ARHGAP24: variants seen among roughly 807,000 people sequenced by gnomAD.
The protein encoded by ARHGAP24 is rho GTPase-activating protein 24.
Under a neutral mutation model 76.4 loss-of-function variants are expected in ARHGAP24, and 50 were observed. The ratio of observed to expected loss-of-function variants is 0.65; its 90% CI spans 0.52 to 0.83. The LOEUF is 0.83. Among genes scored for constraint, ARHGAP24 ranks in the 40% least tolerant of loss-of-function variants. The pLI is 0.00. For synonymous variants in ARHGAP24, 345 were observed against 323.3 expected (o/e 1.07, Z -0.72); for missense variants, 930 against 914.2 (o/e 1.02, Z -0.22).
intron 2 of ARHGAP24, among the ~76,000 whole-genome samples, chr4:85,709,843 C>T (rs1299308621): frequency 6.6e-6 from 1 of 152,020 alleles, no homozygotes; most frequent in Non-Finnish European, 1.5e-5. Context: ...GAACTACAAA[C>T]CACTGCTCAA....
intron 1 of ARHGAP24, among the ~76,000 whole-genome samples, chr4:85,486,208 G>C (rs72970778): frequency 0.014 from 2,179 of 152,172 alleles, 55 homozygotes; most frequent in African/African-American, 0.049. Context: ...CATTGGGCTA[G>C]TTTTCATCAG....
At chr4:85,973,048 CTA>C (rs879825030) in intron 6 of ARHGAP24, among the ~76,000 whole-genome samples, 112 of 152,082 alleles carry the variant, frequency 7.4e-4, no homozygotes, top group African/African-American at 9.9e-4. Context: ...TTGCATGGAT[CTA>C]TGTTTCTATT....
intron 3 of ARHGAP24, among the ~76,000 whole-genome samples, chr4:85,911,307 G>A (rs923454992): frequency 6.6e-6 from 1 of 152,180 alleles, no homozygotes; most frequent in African/African-American, 2.4e-5. Flanking sequence ...TGCAGCTCTG[G>A]CAGTGCCTCC....
intron 2 of ARHGAP24, among the ~76,000 whole-genome samples, chr4:85,611,886 A>G (rs1354429723): frequency 6.6e-6 from 1 of 152,130 alleles, no homozygotes; most frequent in Non-Finnish European, 1.5e-5. Flanking sequence ...CTTCATTCAG[A>G]TATTTAATTA....
intron 9 of ARHGAP24, among the ~76,000 whole-genome samples, chr4:85,997,579 A>C (rs1740753916): frequency 6.6e-6 from 1 of 152,148 alleles, no homozygotes; most frequent in Non-Finnish European, 1.5e-5. Flanking sequence ...TCAGTGAGAT[A>C]TATGGTTTTT....
intron 2 of ARHGAP24, among the ~76,000 whole-genome samples, chr4:85,701,851 A>G (rs1724100729): frequency 6.6e-6 from 1 of 152,074 alleles, no homozygotes; most frequent in African/African-American, 2.4e-5. Flanking sequence ...TAATGGAAAC[A>G]TATGGTAAAT....
At chr4:85,936,526 A>G (rs1736642667) in intron 4 of ARHGAP24, among the ~76,000 whole-genome samples, 1 of 152,010 alleles carries the variant, frequency 6.6e-6, no homozygotes, top group South Asian at 2.1e-4. Context: ...AGCTCATAGG[A>G]TAGATATATA....
chr4:85,636,901 C>A (rs1721328621), intron 2 of ARHGAP24, among the ~76,000 whole-genome samples: 1 of 152,026 alleles, frequency 6.6e-6, no homozygotes, highest in Non-Finnish European at 1.5e-5. Context: ...GTCTTACCCT[C>A]AGTGCTTTGC....
At chr4:85,729,959 C>T (rs1443953676) in intron 3 of ARHGAP24, among the ~76,000 whole-genome samples, 1 of 152,104 alleles carries the variant, frequency 6.6e-6, no homozygotes, top group Non-Finnish European at 1.5e-5. Flanking sequence ...AATCACTAAT[C>T]CCCACTGGTG....
chr4:85,604,559 T>TA (rs1254909380), intron 2 of ARHGAP24, among the ~76,000 whole-genome samples: 1 of 152,198 alleles, frequency 6.6e-6, no homozygotes, highest in African/African-American at 2.4e-5. Flanking sequence ...TATTTGTAGT[T>TA]AAAAAGATAG....
chr4:85,642,012 G>A (rs972849210), intron 2 of ARHGAP24, among the ~76,000 whole-genome samples: 1 of 152,156 alleles, frequency 6.6e-6, no homozygotes, highest in African/African-American at 2.4e-5. Context: ...TCCATTCAAT[G>A]TCTTCTTGAT....
chr4:85,498,585 A>G (rs1244552455), intron 1 of ARHGAP24, among the ~76,000 whole-genome samples: 2 of 152,034 alleles, frequency 1.3e-5, no homozygotes, highest in Non-Finnish European at 1.5e-5. Flanking sequence ...GGCCACAAGG[A>G]AGTGAGGAGA....
intron 2 of ARHGAP24, among the ~76,000 whole-genome samples, chr4:85,690,471 T>C (rs567645347): frequency 1.8e-4 from 27 of 152,182 alleles, no homozygotes; most frequent in Non-Finnish European, 3.2e-4. Context: ...ATATTTTTTA[T>C]TACTGATTCA....
In ARHGAP24 at chr4:85,686,427, T is replaced by C. The variant is rs1723424848; in HGVS notation, c.181-35458T>C. Among the ~76,000 whole-genome samples the C allele has an allele frequency of 3.3e-5, 5 of 152,184 alleles. No homozygotes were observed. In the South Asian group the frequency reaches 1.0e-3, roughly 32 times the overall value. ...TACAAAACCGTCTCAAGAACTTTATTTGTATTCTTTCCAGGATAAATCATG... is the reference window on the plus strand; with the variant it reads ...TACAAAACCGTCTCAAGAACTTTATCTGTATTCTTTCCAGGATAAATCATG... On this transcript the variant is annotated intron_variant, in intron 2 of 9. Transcript: ENST00000395184.
chr4:85,770,403 ATTG>A (rs1480447567), intron 3 of ARHGAP24, among the ~76,000 whole-genome samples: 1 of 152,154 alleles, frequency 6.6e-6, no homozygotes, highest in African/African-American at 2.4e-5. Context: ...TAGTCCTCCT[ATTG>A]TTCACAAAAT....
At chr4:85,763,500 G>A (rs1415290277) in intron 3 of ARHGAP24, among the ~76,000 whole-genome samples, 2 of 152,114 alleles carry the variant, frequency 1.3e-5, no homozygotes, top group Non-Finnish European at 2.9e-5. Flanking sequence ...GGGTAGATGA[G>A]GACGAGGCCT....
chr4:85,711,128 T>C (rs1474934243), intron 2 of ARHGAP24, among the ~76,000 whole-genome samples: 1 of 152,148 alleles, frequency 6.6e-6, no homozygotes, highest in Non-Finnish European at 1.5e-5. Context: ...TCATTATCCT[T>C]AGAAAACTAA....
At chr4:85,730,318 C>T (rs1054395110) in intron 3 of ARHGAP24, among the ~76,000 whole-genome samples, 2 of 152,182 alleles carry the variant, frequency 1.3e-5, no homozygotes, top group African/African-American at 4.8e-5. Context: ...GAGTTATTTA[C>T]AAATATTCTG....
At chr4:85,853,373 C>T (rs780652600) in intron 3 of ARHGAP24, among the ~76,000 whole-genome samples, 5 of 152,156 alleles carry the variant, frequency 3.3e-5, no homozygotes, top group Non-Finnish European at 7.3e-5. Context: ...TTTCCGGGTA[C>T]AGTCTGTCAC....
Sources: gnomAD v4.1 joint callset for allele counts (sites outside exome capture counted in the v4.1 genomes callset) on GRCh38, gnomAD v4.1.1 for gene constraint, MANE v1.5 for transcripts, NCBI Gene and HGNC (gene_info 2026-07-23, HGNC 2026-07-21) for gene names.